Variants in CHSY3 observed in about 807,000 individuals in gnomAD.
CHSY3 encodes the protein N-acetylgalactosaminyl-proteoglycan 3-beta-glucuronosyltransferase 3.
In CHSY3, 35 loss-of-function variants were observed where a neutral mutation model predicts 67.2. That is an observed-to-expected ratio of 0.52 (90% confidence interval 0.40 to 0.69). The LOEUF is 0.69. Ranked by LOEUF, CHSY3 falls within the 30% of genes least tolerant of loss-of-function variation. CHSY3 has a pLI of 0.00. For missense variants in CHSY3, 1,069 were observed against 1,138.5 expected, an observed-to-expected ratio of 0.94 and a Z score of 0.88; for synonymous variants, 474 against 434.7, an observed-to-expected ratio of 1.09 and a Z score of -1.12.
intron 2 of CHSY3, among the ~76,000 whole-genome samples, chr5:130,003,358 T>C (rs1763787608): frequency 6.6e-6 from 1 of 152,220 alleles, no homozygotes; most frequent in Admixed American, 6.5e-5. Context: ...TTTAGTTCCC[T>C]TTGGGGTTTA....
At chr5:130,022,194 A>G (rs1003238171) in intron 2 of CHSY3, among the ~76,000 whole-genome samples, 2 of 152,072 alleles carry the variant, frequency 1.3e-5, no homozygotes, top group Non-Finnish European at 2.9e-5. Context: ...ATTTCCACCT[A>G]TACTAGCTTG....
At chr5:130,181,501 T>G (rs2051802) in intron 2 of CHSY3, among the ~76,000 whole-genome samples, 123,193 of 151,970 alleles carry the variant, frequency 0.81, 50,700 homozygotes, top group Middle Eastern at 0.89. Context: ...CACACATTTA[T>G]GAACATACAT....
intron 2 of CHSY3, among the ~76,000 whole-genome samples, chr5:130,100,144 G>C (rs1767185240): frequency 1.3e-5 from 2 of 152,102 alleles, no homozygotes; most frequent in African/African-American, 4.8e-5. Flanking sequence ...TAGAAGGGCA[G>C]ACATAAAAAG....
In CHSY3 at chr5:130,118,760, C is replaced by T. The variant is rs761591457; in HGVS notation, c.1087-65469C>T. Among the ~76,000 whole-genome samples the T allele has an allele frequency of 1.2e-3, 181 of 152,084 alleles. 1 individual carries two copies. The highest frequency in any genetic ancestry group is 8.2e-4 in the Non-Finnish European group (56 of 67,998). ...CTTCCTTAGATTACCCTCTGTAAAG[C>T]ACTTTATTAAAGTGCTTTACCTAAG... On this transcript the variant is annotated intron_variant, in intron 2 of 2. Transcript: ENST00000305031.
intron 2 of CHSY3, among the ~76,000 whole-genome samples, chr5:129,933,445 A>C (rs1395720251): frequency 6.6e-6 from 1 of 152,230 alleles, no homozygotes; most frequent in Admixed American, 6.5e-5. Flanking sequence ...CAATGTAAAA[A>C]ATATTTCATT....
At chr5:129,969,397 G>T (rs1405818851) in intron 2 of CHSY3, among the ~76,000 whole-genome samples, 2 of 151,746 alleles carry the variant, frequency 1.3e-5, no homozygotes, top group Admixed American at 6.6e-5. Flanking sequence ...TAATTAAATA[G>T]ATCATGTTTT....
intron 2 of CHSY3, among the ~76,000 whole-genome samples, chr5:130,005,329 C>A (rs559205550): frequency 4.0e-4 from 61 of 151,784 alleles, no homozygotes; most frequent in African/African-American, 1.4e-3. Flanking sequence ...GCAGGAGAAT[C>A]GCTTGAACCC....
At chr5:130,034,680 GGTGATAT>G (rs1281297008) in intron 2 of CHSY3, among the ~76,000 whole-genome samples, 3 of 152,110 alleles carry the variant, frequency 2.0e-5, no homozygotes, top group Non-Finnish European at 4.4e-5. Context: ...CATACCTCAT[GGTGATAT>G]GTGCTCTGTT....
At chr5:130,037,988 G>T (rs890665065) in intron 2 of CHSY3, among the ~76,000 whole-genome samples, 3 of 152,070 alleles carry the variant, frequency 2.0e-5, no homozygotes, top group Admixed American at 1.3e-4. Flanking sequence ...AAAATTGTGT[G>T]AGAGGATGGT....
At chr5:130,157,658 C>A (rs1769411421) in intron 2 of CHSY3, among the ~76,000 whole-genome samples, 1 of 152,230 alleles carries the variant, frequency 6.6e-6, no homozygotes, top group African/African-American at 2.4e-5. Context: ...GCTCCCGATC[C>A]AGACCCCAAA....
At chr5:129,916,714 T>G (rs1489530514) in intron 2 of CHSY3, among the ~76,000 whole-genome samples, 1 of 152,216 alleles carries the variant, frequency 6.6e-6, no homozygotes, top group Non-Finnish European at 1.5e-5. Flanking sequence ...AATGATTTTA[T>G]TTGCTCAAAT....
chr5:130,097,382 G>T (rs560940112), intron 2 of CHSY3, among the ~76,000 whole-genome samples: 1 of 152,338 alleles, frequency 6.6e-6, no homozygotes, highest in South Asian at 2.1e-4. Flanking sequence ...CAGCCTCAGG[G>T]AAGAGCAGTT....
intron 2 of CHSY3, among the ~76,000 whole-genome samples, chr5:129,992,980 A>G (rs1172784741): frequency 6.6e-6 from 1 of 152,116 alleles, no homozygotes; most frequent in African/African-American, 2.4e-5. Context: ...TTTTAAGTTC[A>G]ATGTTCTGAG....
intron 2 of CHSY3, among the ~76,000 whole-genome samples, chr5:129,974,203 T>G (rs1762726674): frequency 1.3e-5 from 2 of 152,134 alleles, no homozygotes; most frequent in Admixed American, 6.6e-5. Flanking sequence ...ATAAGGCCCT[T>G]TACACTGATC....
chr5:129,977,156 G>T (rs1460354634), intron 2 of CHSY3, among the ~76,000 whole-genome samples: 2 of 152,134 alleles, frequency 1.3e-5, no homozygotes, highest in African/African-American at 4.8e-5. Flanking sequence ...GTAAAGGGAT[G>T]TGTTCCAAAG....
At chr5:130,118,075 C>T (rs1043070879) in intron 2 of CHSY3, among the ~76,000 whole-genome samples, 3 of 152,096 alleles carry the variant, frequency 2.0e-5, no homozygotes, top group African/African-American at 7.2e-5. Context: ...AGGTGACATG[C>T]CTGCTCCCTC....
intron 2 of CHSY3, among the ~76,000 whole-genome samples, chr5:130,051,233 C>T (rs920259318): frequency 1.3e-5 from 2 of 151,908 alleles, no homozygotes; most frequent in African/African-American, 4.8e-5. Flanking sequence ...GTGTGCAATT[C>T]TATATTGCTT....
At chr5:130,179,651 A>C (rs903961827) in intron 2 of CHSY3, among the ~76,000 whole-genome samples, 20 of 152,040 alleles carry the variant, frequency 1.3e-4, no homozygotes, top group African/African-American at 4.6e-4. Flanking sequence ...ATATGTTTTC[A>C]AAACCAGGTG....
intron 2 of CHSY3, among the ~76,000 whole-genome samples, chr5:130,031,101 A>AAAAT (rs770284915): frequency 1.5e-3 from 233 of 151,996 alleles, no homozygotes; most frequent in African/African-American, 2.8e-3. Flanking sequence ...AGTGGTATGA[A>AAAAT]AAATAAATAA....
Sources: allele counts gnomAD v4.1 joint callset (sites outside exome capture counted in the v4.1 genomes callset), GRCh38; gene constraint gnomAD v4.1.1; transcripts MANE v1.5; gene names NCBI Gene and HGNC (gene_info 2026-07-23, HGNC 2026-07-21).